Variants in MCUR1 observed in about 807,000 individuals in gnomAD.
MCUR1 encodes mitochondrial calcium uniporter regulator 1, also known as MCU regulator 1.
In MCUR1, 37 loss-of-function variants were observed where a neutral mutation model predicts 42.0. The ratio of observed to expected loss-of-function variants is 0.88; its 90% CI spans 0.68 to 1.16. The LOEUF (loss-of-function observed/expected upper bound fraction) is 1.16, where lower values mean the gene tolerates loss of function less well. Among genes scored for constraint, MCUR1 ranks in the 50% most tolerant of loss-of-function variants. MCUR1 has a pLI of 0.00. For missense variants in MCUR1, 469 were observed against 468.4 expected, an observed-to-expected ratio of 1.00 and a Z score of -0.01; for synonymous variants, 229 against 196.2, an observed-to-expected ratio of 1.17 and a Z score of -1.40.
intron 1 of MCUR1, among the ~76,000 whole-genome samples, chr6:13,807,452 T>C (rs1760135571): frequency 6.6e-6 from 1 of 152,224 alleles, no homozygotes; most frequent in Admixed American, 6.5e-5. Context: ...TCACTTAGCA[T>C]GTTTTCAAGG....
chr6:13,810,312 G>A (rs1760205220), intron 1 of MCUR1, among the ~76,000 whole-genome samples: 1 of 151,784 alleles, frequency 6.6e-6, no homozygotes, highest in Non-Finnish European at 1.5e-5. Context: ...ATTAAATATT[G>A]TACTAAAAAA....
intron 8 of MCUR1, 27 bp from the exon 9 acceptor site, chr6:13,790,891 C>G: frequency 6.6e-7 from 1 of 1,509,028 alleles, no homozygotes; most frequent in Non-Finnish European, 9.1e-7. Flanking sequence ...ATTGAGAGTA[C>G]TATTAGTTCT....
rs201100064 is a variant in MCUR1, at chr6:13,801,342, C to G, written c.687G>C (p.Lys229Asn). 6.2e-7 allele frequency: 1 copy of G among 1,612,878 alleles called. No homozygotes were observed. The highest frequency in any genetic ancestry group is 1.3e-5 in the African/African-American group (1 of 74,914). The change falls in exon 4 of 9, where the codon AAG becomes AAC. Residue 229 changes from lysine (K) to asparagine (N), a missense_variant. Physicochemically the swap from Lys to Asn is moderately conservative, Grantham distance 94. Coordinates refer to ENST00000379170, the MANE Select transcript of MCUR1 (RefSeq NM_001031713.4). ...QVMSQIANVKKDMIILEKSEF... is the reference protein window; with the variant it reads ...QVMSQIANVKNDMIILEKSEF... The stretch of plus-strand genomic sequence containing the variant: ...CACTCTTCTCCAAAATAATCATATC[C>G]TTTTTCACATTCGCAATCTGAGACA...
At chr6:13,800,698 G>A (rs571437698) in intron 4 of MCUR1, among the ~76,000 whole-genome samples, 1 of 152,288 alleles carries the variant, frequency 6.6e-6, no homozygotes, top group Admixed American at 6.5e-5. Context: ...ACAACCTAGA[G>A]AGTCTGAAAC....
rs758269703 is a variant in MCUR1 at position 13,787,144 on chromosome 6, A to G, written c.*3665T>C. On this transcript the variant is annotated 3_prime_UTR_variant, in exon 9 of 9. Transcript: ENST00000379170. ...ATACTGACATGGTTAATTAACAGACAGGCTTGAAAGGAGAAGGCTAGAAGA... is the reference window on the plus strand; with the variant it reads ...ATACTGACATGGTTAATTAACAGACGGGCTTGAAAGGAGAAGGCTAGAAGA... 1 of 152,216 alleles carries G rather than the reference A, an allele frequency of 6.6e-6. No individual in the cohort carries two copies. The highest frequency in any genetic ancestry group is 1.5e-5 in the Non-Finnish European group (1 of 68,040). 9.4% of individuals were successfully genotyped at this position (152,216 alleles called of 1,614,324 possible). A position where few individuals can be genotyped will look rare whatever the true frequency, so the allele number is the denominator to read the frequency against.
chr6:13,796,638 T>C (rs1759864149), intron 6 of MCUR1, among the ~76,000 whole-genome samples: 1 of 152,206 alleles, frequency 6.6e-6, no homozygotes, highest in South Asian at 2.1e-4. Context: ...GAAAAAAATT[T>C]CTGGAAAATT....
intron 7 of MCUR1, 60 bp from the exon 8 acceptor site, chr6:13,792,052 C>T (rs958834600): frequency 3.7e-5 from 47 of 1,275,914 alleles, no homozygotes; most frequent in Non-Finnish European, 5.0e-5. Context: ...GCTCACCATC[C>T]TATAGCTCCT....
intron 3 of MCUR1, 89 bp downstream of exon 3, chr6:13,802,154 T>C (rs1760004211): frequency 1.0e-6 from 1 of 977,906 alleles, no homozygotes; most frequent in Admixed American, 2.2e-5. Context: ...TTCAACGGGG[T>C]ATTATCCAAA....
chr6:13,797,669 C>T (rs1222823676), intron 6 of MCUR1, among the ~76,000 whole-genome samples: 1 of 151,214 alleles, frequency 6.6e-6, no homozygotes, highest in African/African-American at 2.4e-5. Flanking sequence ...GATCACACCA[C>T]TGCACTCCAG....
At chr6:13,806,710 G>C (rs1380526728) in intron 2 of MCUR1, among the ~76,000 whole-genome samples, 1 of 152,146 alleles carries the variant, frequency 6.6e-6, no homozygotes, top group Non-Finnish European at 1.5e-5. Context: ...AGGATGGCTT[G>C]AGCCTGGGAG....
At chr6:13,810,134 C>T (rs895705125) in intron 1 of MCUR1, among the ~76,000 whole-genome samples, 5 of 150,868 alleles carry the variant, frequency 3.3e-5, no homozygotes, top group Admixed American at 6.6e-5. Flanking sequence ...ACCTGGGAGG[C>T]GGAGGTTGCA....
intron 1 of MCUR1, among the ~76,000 whole-genome samples, chr6:13,809,432 A>G (rs1055235212): frequency 1.3e-5 from 2 of 152,078 alleles, no homozygotes; most frequent in Non-Finnish European, 2.9e-5. Flanking sequence ...ATCTTTAGAG[A>G]GCTATGTTCT....
chr6:13,793,966 A>G lies in MCUR1; in HGVS notation c.856-19T>C, dbSNP rs1367141644. 4 of 1,611,844 alleles carry G rather than the reference A, an allele frequency of 2.5e-6. No homozygotes were observed. Among genetic ancestry groups the G allele is most frequent in the East Asian group, 2.2e-5 (1 of 44,868 alleles). On this transcript the variant is annotated intron_variant, in intron 6 of 8. Transcript: ENST00000379170. ...ATGAATACTGAAATAAACACGTAAC[A>G]TGGGTCAGATTCTGATCTACTCCTC...
intron 2 of MCUR1, among the ~76,000 whole-genome samples, chr6:13,805,219 T>C (rs1024959200): frequency 2.0e-5 from 3 of 151,910 alleles, no homozygotes; most frequent in African/African-American, 7.3e-5. Context: ...CTTGAACTCC[T>C]GGGTTCAAGC....
chr6:13,798,022 C>CA (rs1018861972), intron 6 of MCUR1, among the ~76,000 whole-genome samples: 7 of 150,396 alleles, frequency 4.7e-5, no homozygotes, highest in African/African-American at 7.3e-5. Flanking sequence ...GACTCTGTCT[C>CA]AAAAAAAACA....
rs1760329622 is a variant in MCUR1 at position 13,814,450 on chromosome 6, C to T, written c.-21G>A. 2.0e-6 allele frequency: 3 copies of T among 1,484,776 alleles called. No homozygotes were observed. The highest frequency in any genetic ancestry group is 2.3e-5 in the Admixed American group (1 of 42,738). 92.0% of individuals were successfully genotyped at this position (1,484,776 alleles called of 1,614,324 possible). ...TCCATCCCCGAGCAGTTCACTGGCCCGGGCGCGCGCTCATGCCTCTCGCTT... is the reference window on the plus strand; with the variant it reads ...TCCATCCCCGAGCAGTTCACTGGCCTGGGCGCGCGCTCATGCCTCTCGCTT... On this transcript the variant is annotated 5_prime_UTR_variant, in exon 1 of 9. Coordinates refer to ENST00000379170, the MANE Select transcript of MCUR1 (RefSeq NM_001031713.4).
chr6:13,813,266 C>G (rs546465741), intron 1 of MCUR1, among the ~76,000 whole-genome samples: 3 of 152,286 alleles, frequency 2.0e-5, no homozygotes, highest in African/African-American at 7.2e-5. Flanking sequence ...ATGCATGACT[C>G]TAATTAAATG....
At chr6:13,804,814 A>AAAAAAAAAAAAAAAAAAG (rs1230089057) in intron 2 of MCUR1, among the ~76,000 whole-genome samples, 8 of 148,896 alleles carry the variant, frequency 5.4e-5, no homozygotes, top group African/African-American at 2.0e-4. Flanking sequence ...AAAAAAAAAA[A>AAAAAAAAAAAAAAAAAAG]GTGGAAGTCT....
intron 1 of MCUR1, 70 bp downstream of exon 1, chr6:13,813,945 A>G: frequency 8.2e-7 from 1 of 1,216,378 alleles, no homozygotes; most frequent in African/African-American, 1.6e-5. Context: ...GGGAGGCTGT[A>G]GCTGAGATCC....
Sources: gnomAD v4.1 joint callset for allele counts (sites outside exome capture counted in the v4.1 genomes callset) on GRCh38, gnomAD v4.1.1 for gene constraint, MANE v1.5 for transcripts, NCBI Gene and HGNC (gene_info 2026-07-23, HGNC 2026-07-21) for gene names.